Variants in MACROD2 observed in about 807,000 individuals in gnomAD.
The protein encoded by MACROD2 is ADP-ribose glycohydrolase MACROD2.
A neutral mutation model predicts 70.4 loss-of-function variants in MACROD2; 36 were observed. That is an observed-to-expected ratio of 0.51 (90% CI 0.39 to 0.68). The LOEUF (loss-of-function observed/expected upper bound fraction) is 0.68. MACROD2 is among the 30% of genes least tolerant of loss of function. MACROD2 has a pLI of 0.00. For synonymous variants in MACROD2, 172 were observed against 178.8 expected (o/e 0.96, Z 0.30); for missense variants, 496 against 538.4 (o/e 0.92, Z 0.78).
Position 14,542,149 on chromosome 20 carries a change from T to G in MACROD2, c.301+48641T>G, listed in dbSNP as rs1568662025. Among the ~76,000 whole-genome samples, 3 of 152,236 alleles carry G rather than the reference T, an allele frequency of 2.0e-5. 1 individual carries two copies. The highest frequency in any genetic ancestry group is 4.4e-5 in the Non-Finnish European group (3 of 68,040). ...GGCATCAGTTAGCTGGAGCTGAATGTGGGTGTGTTGACCGCAGTCGCCATC... is the reference window on the plus strand; with the variant it reads ...GGCATCAGTTAGCTGGAGCTGAATGGGGGTGTGTTGACCGCAGTCGCCATC... On this transcript the variant is annotated intron_variant, in intron 4 of 17. Transcript: ENST00000684519.
At chr20:15,105,664 C>A (rs1361103996) in intron 5 of MACROD2, among the ~76,000 whole-genome samples, 3 of 152,024 alleles carry the variant, frequency 2.0e-5, no homozygotes, top group Non-Finnish European at 4.4e-5. Context: ...GATGATAAAT[C>A]ATTCAGGGAG....
intron 4 of MACROD2, among the ~76,000 whole-genome samples, chr20:14,503,690 A>T (rs1441871682): frequency 1.2e-4 from 18 of 152,240 alleles, no homozygotes; most frequent in Admixed American, 9.2e-4. Context: ...AGAAATAGCC[A>T]TGAGGGGCAC....
chr20:15,933,181 G>C (rs1945483519), intron 10 of MACROD2, 95 bp from the exon 11 acceptor site: 1 of 1,212,386 alleles, frequency 8.2e-7, no homozygotes, highest in East Asian at 2.4e-5. Flanking sequence ...ATGCTACATT[G>C]GTTACAATTA....
intron 6 of MACROD2, among the ~76,000 whole-genome samples, chr20:15,372,662 T>A (rs1443190654): frequency 6.6e-6 from 1 of 152,216 alleles, no homozygotes; most frequent in East Asian, 1.9e-4. Context: ...TTTAACTTTG[T>A]CCATGGAGAC....
Position 16,031,470 on chromosome 20 carries a change from C to T in MACROD2, c.1154-9731C>T, listed in dbSNP as rs142404965. On this transcript the variant is annotated intron_variant, in intron 15 of 17. Transcript: ENST00000684519. ...CATACACTAGATCTAGAAATTCACT[C>T]GGAATTCATCCTTGGGAAATATTTA... Among the ~76,000 whole-genome samples, 244 of 152,172 alleles carry T rather than the reference C, an allele frequency of 1.6e-3. 2 individuals carry two copies. Among genetic ancestry groups the T allele is most frequent in the African/African-American group, 5.6e-3 (233 of 41,542 alleles).
intron 3 of MACROD2, among the ~76,000 whole-genome samples, chr20:14,212,618 T>C (rs1318467720): frequency 6.6e-6 from 1 of 152,070 alleles, no homozygotes; most frequent in Non-Finnish European, 1.5e-5. Context: ...ATGTAGAATT[T>C]GGAGTCAAGG....
At chr20:14,114,184 A>G (rs796187821) in intron 3 of MACROD2, among the ~76,000 whole-genome samples, 36 of 152,008 alleles carry the variant, frequency 2.4e-4, no homozygotes, top group African/African-American at 8.2e-4. Context: ...TGCTAAAGCA[A>G]TTTCCTTGAC....
intron 4 of MACROD2, among the ~76,000 whole-genome samples, chr20:14,513,074 C>A (rs1368292359): frequency 6.6e-6 from 1 of 152,080 alleles, no homozygotes; most frequent in Non-Finnish European, 1.5e-5. Context: ...GCTTCCCATG[C>A]TAGTTTTCTT....
chr20:15,480,222 C>T (rs1373039431), intron 7 of MACROD2, among the ~76,000 whole-genome samples: 1 of 152,130 alleles, frequency 6.6e-6, no homozygotes, highest in East Asian at 1.9e-4. Context: ...TATTAAAAAC[C>T]AATGTGTCTC....
intron 9 of MACROD2, among the ~76,000 whole-genome samples, chr20:15,872,680 G>C (rs1439981346): frequency 6.6e-6 from 1 of 152,050 alleles, no homozygotes; most frequent in African/African-American, 2.4e-5. Context: ...TTAAAAGTAA[G>C]TAGTTCAACT....
In MACROD2 at chr20:15,293,567, A is replaced by T. The variant is rs566967783; in HGVS notation, c.540+63506A>T. Among the ~76,000 whole-genome samples, 4 of 152,332 alleles carry T rather than the reference A, an allele frequency of 2.6e-5. No individual in the cohort carries two copies. In the South Asian group the frequency reaches 8.3e-4, roughly 32 times the overall value. On this transcript the variant is annotated intron_variant, in intron 6 of 17. Coordinates refer to ENST00000684519, the MANE Select transcript of MACROD2 (RefSeq NM_001351661.2). The stretch of plus-strand genomic sequence containing the variant: ...GTTCAAAGCAGAAAAAGTTTGCATG[A>T]TTGTGCCTGAGGGCACATGAAATGG...
intron 3 of MACROD2, among the ~76,000 whole-genome samples, chr20:14,242,760 T>C (rs1213888529): frequency 6.6e-6 from 1 of 152,168 alleles, no homozygotes; most frequent in Non-Finnish European, 1.5e-5. Flanking sequence ...ACCTTTTCTA[T>C]TGCAAGCAAA....
chr20:15,695,432 G>C (rs1401545257), intron 8 of MACROD2, among the ~76,000 whole-genome samples: 1 of 146,204 alleles, frequency 6.8e-6, no homozygotes, highest in Non-Finnish European at 1.5e-5. Context: ...TTTGGAGACA[G>C]AGTCTTGCTC....
chr20:14,384,958 A>C (rs2083455695), intron 3 of MACROD2, among the ~76,000 whole-genome samples: 1 of 152,138 alleles, frequency 6.6e-6, no homozygotes, highest in African/African-American at 2.4e-5. Flanking sequence ...GTAAGAGGAA[A>C]GAAGAAACAC....
intron 8 of MACROD2, among the ~76,000 whole-genome samples, chr20:15,501,472 T>C (rs6034207): frequency 0.037 from 5,604 of 152,330 alleles, 354 homozygotes; most frequent in African/African-American, 0.12. Flanking sequence ...ATTCTACTCA[T>C]TGATTCTCTC....
rs140388462 is a variant in MACROD2 at position 13,998,029 on chromosome 20, C to G, written c.46+2220C>G. Among the ~76,000 whole-genome samples the G allele has an allele frequency of 2.2e-4, 33 of 152,156 alleles. No homozygotes were observed. In the East Asian group the frequency reaches 6.4e-3, roughly 29 times the overall value. On this transcript the variant is annotated intron_variant, in intron 1 of 17. Transcript: ENST00000684519. ...AGGCTTACCTACCTCATTGAAATGT[C>G]AAGGCATTCTATAAACATATTTTTA...
chr20:14,658,107 T>G (rs1944656014), intron 4 of MACROD2, among the ~76,000 whole-genome samples: 1 of 152,278 alleles, frequency 6.6e-6, no homozygotes, highest in Admixed American at 6.5e-5. Context: ...CAATAAACAG[T>G]TTCACTTCTA....
At chr20:15,868,837 C>T (rs978978813) in intron 9 of MACROD2, among the ~76,000 whole-genome samples, 1 of 152,048 alleles carries the variant, frequency 6.6e-6, no homozygotes, top group Non-Finnish European at 1.5e-5. Flanking sequence ...CGCAGTAACG[C>T]AATCATACTG....
At chr20:15,306,229 A>T (rs977687267) in intron 6 of MACROD2, among the ~76,000 whole-genome samples, 12 of 152,206 alleles carry the variant, frequency 7.9e-5, no homozygotes, top group African/African-American at 2.4e-4. Flanking sequence ...TATTCTTGCA[A>T]TATCCTCTGA....
Sources: allele counts gnomAD v4.1 joint callset (sites outside exome capture counted in the v4.1 genomes callset), GRCh38; gene constraint gnomAD v4.1.1; transcripts MANE v1.5; gene names NCBI Gene and HGNC (gene_info 2026-07-23, HGNC 2026-07-21).